KIAA1217: variants seen among roughly 807,000 people sequenced by gnomAD.
KIAA1217 encodes KIAA1217, also known as sickle tail protein homolog.
Under a neutral mutation model 163.9 loss-of-function variants are expected in KIAA1217, and 88 were observed. The observed-to-expected ratio is 0.54, with a 90% CI of 0.45 to 0.64. KIAA1217 has a LOEUF of 0.64. Among genes scored for constraint, KIAA1217 ranks in the 30% least tolerant of loss-of-function variants. KIAA1217 has a pLI of 0.00. For missense variants in KIAA1217, 2,372 were observed against 2,475.0 expected (o/e 0.96, Z 0.88); for synonymous variants, 903 against 923.1 (o/e 0.98, Z 0.39).
chr10:24,345,302 C>T (rs2047591985), intron 2 of KIAA1217, among the ~76,000 whole-genome samples: 1 of 152,194 alleles, frequency 6.6e-6, no homozygotes, highest in Non-Finnish European at 1.5e-5. Flanking sequence ...GCATGGAGCA[C>T]AGAGCTGCCC....
intron 3 of KIAA1217, among the ~76,000 whole-genome samples, chr10:24,429,708 C>G (rs1168604343): frequency 6.6e-6 from 1 of 152,050 alleles, no homozygotes; most frequent in Non-Finnish European, 1.5e-5. Context: ...GTGTTAGAAG[C>G]TTCTATAAAA....
At chr10:24,145,539 A>T (rs572312258) in intron 2 of KIAA1217, among the ~76,000 whole-genome samples, 1 of 152,352 alleles carries the variant, frequency 6.6e-6, no homozygotes, top group African/African-American at 2.4e-5. Context: ...GAGGGACAGA[A>T]CTAATAGGAT....
At chr10:24,409,950 C>CAT (rs1591699150) in intron 3 of KIAA1217, among the ~76,000 whole-genome samples, 3 of 151,104 alleles carry the variant, frequency 2.0e-5, no homozygotes, top group East Asian at 2.0e-4. Flanking sequence ...GATATTCCAT[C>CAT]ATATATATAT....
At chr10:24,315,399 C>T (rs1468245862) in intron 2 of KIAA1217, among the ~76,000 whole-genome samples, 1 of 152,116 alleles carries the variant, frequency 6.6e-6, no homozygotes, top group South Asian at 2.1e-4. Context: ...AGAGTGATAC[C>T]GAGTGTTGGC....
chr10:24,155,647 C>G (rs2064840302), intron 2 of KIAA1217, among the ~76,000 whole-genome samples: 1 of 151,958 alleles, frequency 6.6e-6, no homozygotes, highest in South Asian at 2.1e-4. Flanking sequence ...ATGATGAAAC[C>G]CTGTCTCTAC....
At chr10:23,807,904 T>G (rs891186727) in intron 1 of KIAA1217, among the ~76,000 whole-genome samples, 1 of 152,166 alleles carries the variant, frequency 6.6e-6, no homozygotes, top group Non-Finnish European at 1.5e-5. Flanking sequence ...GTTCAGGCCT[T>G]ACTCTTAGAT....
At chr10:24,178,442 T>C (rs2066010431) in intron 2 of KIAA1217, among the ~76,000 whole-genome samples, 1 of 152,212 alleles carries the variant, frequency 6.6e-6, no homozygotes, top group Admixed American at 6.5e-5. Context: ...TAAAGCCAGG[T>C]CTTCTGAGGT....
chr10:24,224,058 T>G (rs533749277), intron 2 of KIAA1217, among the ~76,000 whole-genome samples: 1 of 152,332 alleles, frequency 6.6e-6, no homozygotes, highest in African/African-American at 2.4e-5. Flanking sequence ...TAGTCTAAAA[T>G]TATTGAAAGG....
chr10:23,868,750 G>A (rs550350126), intron 1 of KIAA1217, among the ~76,000 whole-genome samples: 17 of 152,240 alleles, frequency 1.1e-4, no homozygotes, highest in South Asian at 2.1e-4. Flanking sequence ...GGCCTGCTGC[G>A]TTGTCAGGAT....
At chr10:23,788,107 A>AGAACTGCTTGAGCCTGGGAGTTTG (rs1468822379) in intron 1 of KIAA1217, among the ~76,000 whole-genome samples, 1 of 152,164 alleles carries the variant, frequency 6.6e-6, no homozygotes, top group African/African-American at 2.4e-5. Context: ...CTGAGTTGGG[A>AGAACTGCTTGAGCCTGGGAGTTTG]GAACTGCTTG....
intron 2 of KIAA1217, chr10:24,042,246 GTT>G (rs71506823): frequency 2.6e-4 from 38 of 146,010 alleles, no homozygotes; most frequent in South Asian, 1.3e-3. Flanking sequence ...GAGTTTTGTT[GTT>G]TTTTTTTTTT....
In KIAA1217 at chr10:24,438,533, C is replaced by G. The variant is rs560695669; in HGVS notation, c.846+54C>G. ...TCTTCAGTGGGTCAAAGCGTCCCTC[C>G]TCTTGCTTGTACTCCTGATGTAATC... On this transcript the variant is annotated intron_variant, in intron 5 of 20. Transcript: ENST00000376454. The G allele has an allele frequency of 4.8e-5, 58 of 1,210,186 alleles. No individual in the cohort carries two copies. The African/African-American group carries it at 8.2e-4, about 17-fold the overall frequency. 75.0% of individuals were successfully genotyped at this position (1,210,186 alleles called of 1,614,324 possible).
intron 1 of KIAA1217, among the ~76,000 whole-genome samples, chr10:23,945,464 G>A (rs932356744): frequency 6.6e-6 from 1 of 152,194 alleles, no homozygotes; most frequent in African/African-American, 2.4e-5. Context: ...GCTTATGGAA[G>A]GAGGTAGGCA....
chr10:23,728,941 G>A (rs576761236), intron 1 of KIAA1217, among the ~76,000 whole-genome samples: 32 of 152,152 alleles, frequency 2.1e-4, no homozygotes, highest in East Asian at 3.9e-4. Flanking sequence ...AATATCCTCC[G>A]TGCTGCATCT....
intron 1 of KIAA1217, among the ~76,000 whole-genome samples, chr10:23,717,635 GA>G (rs1474460210): frequency 5.3e-5 from 8 of 152,064 alleles, no homozygotes; most frequent in Non-Finnish European, 1.0e-4. Context: ...ATTCCTAATA[GA>G]ATTTAAGTCT....
intron 1 of KIAA1217, among the ~76,000 whole-genome samples, chr10:23,722,553 T>C (rs1837927711): frequency 6.6e-6 from 1 of 152,212 alleles, no homozygotes; most frequent in Non-Finnish European, 1.5e-5. Context: ...GATACAAATA[T>C]TTTCCATATA....
intron 2 of KIAA1217, chr10:24,158,447 C>T: frequency 1.8e-6 from 1 of 558,594 alleles, no homozygotes; most frequent in Non-Finnish European, 3.6e-6. Flanking sequence ...ATGTCTAACA[C>T]AGGAAATTGA....
At chr10:23,964,355 C>T (rs530267477) in intron 1 of KIAA1217, among the ~76,000 whole-genome samples, 59 of 147,590 alleles carry the variant, frequency 4.0e-4, no homozygotes, top group Non-Finnish European at 7.3e-4. Context: ...AGCCCTTTGT[C>T]AGATGGATAC....
chr10:24,404,693 T>C (rs2131180229), intron 3 of KIAA1217, among the ~76,000 whole-genome samples: 1 of 152,000 alleles, frequency 6.6e-6, no homozygotes, highest in Middle Eastern at 3.4e-3. Context: ...ACATGAATAT[T>C]ACTAGCAGCT....
Sources: allele counts gnomAD v4.1 joint callset (sites outside exome capture counted in the v4.1 genomes callset), GRCh38; gene constraint gnomAD v4.1.1; transcripts MANE v1.5; gene names NCBI Gene and HGNC (gene_info 2026-07-23, HGNC 2026-07-21).